TRDN: variants seen among roughly 807,000 people sequenced by gnomAD.
TRDN encodes triadin in skeletal muscle.
TRDN carries 161 observed loss-of-function variants against 149.7 expected under a neutral mutation model. The observed-to-expected ratio is 1.08, with a 90% confidence interval of 0.95 to 1.23. TRDN has a LOEUF of 1.23. TRDN is among the 50% of genes most tolerant of loss of function. The pLI is 0.00. For missense variants in TRDN, 896 were observed against 823.5 expected (o/e 1.09, Z -1.08); for synonymous variants, 294 against 250.5 (o/e 1.17, Z -1.64).
intron 1 of TRDN, among the ~76,000 whole-genome samples, chr6:123,584,262 A>G (rs1783301264): frequency 6.6e-6 from 1 of 152,216 alleles, no homozygotes; most frequent in African/African-American, 2.4e-5. Flanking sequence ...CAGAAAGTAT[A>G]TGCGTCAGAT....
At chr6:123,229,992 T>TAA (rs1344061107) in intron 38 of TRDN, among the ~76,000 whole-genome samples, 2 of 151,970 alleles carry the variant, frequency 1.3e-5, no homozygotes, top group African/African-American at 2.4e-5. Context: ...TTTATCATCT[T>TAA]AAAATATTAA....
intron 9 of TRDN, among the ~76,000 whole-genome samples, chr6:123,485,157 A>C (rs2114780502): frequency 6.6e-6 from 1 of 152,270 alleles, no homozygotes; most frequent in South Asian, 2.1e-4. Context: ...TCCATAATTA[A>C]GCCTAGGCTC....
chr6:123,442,645 A>G, intron 10 of TRDN, among the ~76,000 whole-genome samples: 1 of 152,160 alleles, frequency 6.6e-6, no homozygotes, highest in East Asian at 1.9e-4. Flanking sequence ...TAGATGTAGA[A>G]AAATAATGAT....
At chr6:123,449,644 T>C (rs1023090592) in intron 10 of TRDN, among the ~76,000 whole-genome samples, 1 of 152,058 alleles carries the variant, frequency 6.6e-6, no homozygotes, top group Non-Finnish European at 1.5e-5. Context: ...TAAAACATAT[T>C]TGGGGGAATA....
Position 123,350,330 on chromosome 6 carries a change from C to T in TRDN, c.1369+2209G>A, listed in dbSNP as rs989035749. 95 of 949,012 alleles carry T rather than the reference C, an allele frequency of 1.0e-4. No individual in the cohort carries two copies. The Admixed American group carries it at 1.1e-3, about 11-fold the overall frequency. 58.8% of individuals were successfully genotyped at this position (949,012 alleles called of 1,614,324 possible). ...TTTAAGTCCAGAGATTCAATATGCACAATTATACTCAGATCACAAAGTGTA... is the reference window on the plus strand; with the variant it reads ...TTTAAGTCCAGAGATTCAATATGCATAATTATACTCAGATCACAAAGTGTA... On this transcript the variant is annotated intron_variant, in intron 21 of 40. Transcript: ENST00000334268.
chr6:123,294,905 C>T (rs1778140963), intron 24 of TRDN, among the ~76,000 whole-genome samples: 2 of 152,104 alleles, frequency 1.3e-5, no homozygotes, highest in South Asian at 2.1e-4. Context: ...TTTACTCCTC[C>T]AGTGCTAGGC....
intron 9 of TRDN, among the ~76,000 whole-genome samples, chr6:123,482,999 C>A (rs1354642850): frequency 6.6e-6 from 1 of 151,504 alleles, no homozygotes; most frequent in Non-Finnish European, 1.5e-5. Flanking sequence ...GAAGAGAACA[C>A]AGTGGTACAG....
intron 12 of TRDN, among the ~76,000 whole-genome samples, chr6:123,393,935 A>C (rs546054595): frequency 6.6e-6 from 1 of 152,256 alleles, no homozygotes; most frequent in South Asian, 2.1e-4. Context: ...CTGGCCATGG[A>C]ATATCACTTT....
intron 10 of TRDN, among the ~76,000 whole-genome samples, chr6:123,460,937 T>C (rs1301880609): frequency 2.0e-5 from 3 of 152,190 alleles, no homozygotes; most frequent in African/African-American, 7.2e-5. Flanking sequence ...CCTTTATGAT[T>C]TATGTAACTT....
intron 21 of TRDN, among the ~76,000 whole-genome samples, chr6:123,348,079 T>C (rs2114280891): frequency 6.6e-6 from 1 of 152,224 alleles, no homozygotes; most frequent in Admixed American, 6.6e-5. Flanking sequence ...TTTCCTTTTT[T>C]TTCTGTATAA....
rs1781473593 is a variant in TRDN at position 123,375,597 on chromosome 6, C to A, written c.1273+8G>T. On this transcript the variant is annotated splice_region_variant and intron_variant, in intron 19 of 40. Coordinates refer to ENST00000334268, the MANE Select transcript of TRDN (RefSeq NM_006073.4). The stretch of plus-strand genomic sequence containing the variant: ...TATGCTCTTCTTTAAAAATTTTGTT[C>A]AACATACTTGCTTTTACTTGTTTGT... The A allele has an allele frequency of 3.9e-6, 6 of 1,534,346 alleles. No homozygotes were observed. In the South Asian group the frequency reaches 6.1e-5, roughly 16 times the overall value.
At chr6:123,410,396 A>G (rs1384943084) in intron 12 of TRDN, among the ~76,000 whole-genome samples, 1 of 152,190 alleles carries the variant, frequency 6.6e-6, no homozygotes, top group Non-Finnish European at 1.5e-5. Context: ...TACTCACTGC[A>G]CTCACAAAAA....
chr6:123,483,825 T>TAG, intron 9 of TRDN, among the ~76,000 whole-genome samples: 1 of 152,306 alleles, frequency 6.6e-6, no homozygotes, highest in East Asian at 1.9e-4. Context: ...AGAACAACTT[T>TAG]GAGCATAGCA....
rs1772605388 is a variant in TRDN, at chr6:123,393,753, G to A, written c.1052-76C>T. 2.2e-6 allele frequency: 3 copies of A among 1,347,774 alleles called. No homozygotes were observed. The East Asian group carries it at 7.5e-5, about 34-fold the overall frequency. The allele number at this position is 1,347,774 out of a possible 1,614,324, so 83.5% of individuals were successfully genotyped here. A position where few individuals can be genotyped will look rare whatever the true frequency, so the allele number is the denominator to read the frequency against. On this transcript the variant is annotated intron_variant, in intron 12 of 40. Transcript: ENST00000334268. ...ATATAAATAAAAAAGGGACAGGGGA[G>A]CACAAACACAAACGAGCATAAAAAG... is the stretch of plus-strand genomic sequence containing the variant.
intron 2 of TRDN, among the ~76,000 whole-genome samples, chr6:123,561,627 T>C (rs1467920908): frequency 6.6e-6 from 1 of 152,224 alleles, no homozygotes. Context: ...TTTTCAGTCC[T>C]TTAATACCTG....
chr6:123,297,360 G>GT (rs1184947239), intron 24 of TRDN, among the ~76,000 whole-genome samples: 1 of 151,956 alleles, frequency 6.6e-6, no homozygotes, highest in African/African-American at 2.4e-5. Flanking sequence ...TGAAGAGACT[G>GT]TTTAGTAGCA....
At chr6:123,491,132 A>AGAAGGAAGGAAG (rs149446213) in intron 9 of TRDN, among the ~76,000 whole-genome samples, 32 of 146,350 alleles carry the variant, frequency 2.2e-4, no homozygotes, top group South Asian at 6.7e-4. Context: ...AAGGAACGAA[A>AGAAGGAAGGAAG]GAAGGAAGGA....
intron 24 of TRDN, among the ~76,000 whole-genome samples, chr6:123,299,563 G>GTT (rs1283696161): frequency 2.0e-5 from 3 of 152,096 alleles, no homozygotes; most frequent in African/African-American, 7.2e-5. Context: ...AAGGGAAGAC[G>GTT]TCATACAGGT....
chr6:123,386,324 GA>G (rs1347006951), intron 14 of TRDN, among the ~76,000 whole-genome samples: 1 of 152,062 alleles, frequency 6.6e-6, no homozygotes, highest in East Asian at 1.9e-4. Flanking sequence ...TTCATAGAAG[GA>G]AAAAGGATAA....
Sources: gnomAD v4.1 joint callset for allele counts (sites outside exome capture counted in the v4.1 genomes callset) on GRCh38, gnomAD v4.1.1 for gene constraint, MANE v1.5 for transcripts, NCBI Gene and HGNC (gene_info 2026-07-23, HGNC 2026-07-21) for gene names.